RIC8B: variants seen among roughly 807,000 people sequenced by gnomAD.
The protein encoded by RIC8B is chaperone Ric-8B.
A neutral mutation model predicts 57.5 loss-of-function variants in RIC8B; 16 were observed. The ratio of observed to expected loss-of-function variants is 0.28; its 90% confidence interval spans 0.19 to 0.42. The LOEUF (loss-of-function observed/expected upper bound fraction) is 0.42. Among genes scored for constraint, RIC8B ranks in the 10% least tolerant of loss-of-function variants. The pLI, the probability that RIC8B is intolerant of heterozygous loss-of-function variation, is 1.00. For missense variants in RIC8B, 481 were observed against 677.0 expected, an observed-to-expected ratio of 0.71 and a Z score of 3.21; for synonymous variants, 216 against 250.8, an observed-to-expected ratio of 0.86 and a Z score of 1.31.
intron 3 of RIC8B, among the ~76,000 whole-genome samples, chr12:106,816,135 T>C (rs1405149612): frequency 3.3e-5 from 5 of 152,082 alleles, no homozygotes; most frequent in Non-Finnish European, 7.4e-5. Context: ...CTTTTTAGCT[T>C]TAAATAACTG....
chr12:106,868,452 C>A, intron 8 of RIC8B: 1 of 388,592 alleles, frequency 2.6e-6, no homozygotes, highest in Non-Finnish European at 5.1e-6. Flanking sequence ...CACCTTTATT[C>A]ATTTATAAGA....
chr12:106,842,923 T>C, intron 5 of RIC8B, 106 bp downstream of exon 5: 1 of 664,372 alleles, frequency 1.5e-6, no homozygotes, highest in Non-Finnish European at 2.5e-6. Context: ...TCTAAGCTTT[T>C]TTTCTGACTG....
intron 2 of RIC8B, among the ~76,000 whole-genome samples, chr12:106,809,951 G>A (rs2045258628): frequency 6.6e-6 from 1 of 151,598 alleles, no homozygotes; most frequent in South Asian, 2.1e-4. Flanking sequence ...TGGTATTTTT[G>A]TACCCATTAA....
intron 8 of RIC8B, among the ~76,000 whole-genome samples, chr12:106,866,747 T>C (rs1228223940): frequency 6.6e-6 from 1 of 152,204 alleles, no homozygotes; most frequent in African/African-American, 2.4e-5. Flanking sequence ...TAGATGAAAA[T>C]CTTGATTTCT....
At chr12:106,812,733 T>A (rs769456784) in intron 2 of RIC8B, among the ~76,000 whole-genome samples, 9 of 152,004 alleles carry the variant, frequency 5.9e-5, no homozygotes, top group Middle Eastern at 3.2e-3. Context: ...ATGGAGAAAA[T>A]TTTCCCTGTT....
At chr12:106,787,901 A>G (rs1185296147) in intron 2 of RIC8B, among the ~76,000 whole-genome samples, 1 of 152,072 alleles carries the variant, frequency 6.6e-6, no homozygotes, top group Non-Finnish European at 1.5e-5. Context: ...TTTCAAAACC[A>G]ATTATGCCTT....
intron 6 of RIC8B, 136 bp from the exon 7 acceptor site, chr12:106,851,313 AC>A (rs1278529422): frequency 3.4e-6 from 2 of 589,926 alleles, no homozygotes; most frequent in Non-Finnish European, 5.5e-6. Context: ...TTGGAAGCTA[AC>A]CTTTTTTTTT....
chr12:106,815,047 T>G lies in RIC8B; in HGVS notation c.484T>G (p.Cys162Gly), dbSNP rs776792881. ...KDRKFINDIK[C>G]FDLRLLFLLS... ...CCGGAAATTTATCAATGACATTAAG[T>G]GCTTTGACTTGCGCTTGCTCTTCCT... The change falls in exon 3 of 10, where the codon TGC becomes GGC. Residue 162 changes from cysteine (C) to glycine (G), a missense_variant. This residue lies in a region of RIC8B where 421 missense variants were observed against 560.9 expected (regional missense o/e 0.75). Transcript: ENST00000392837. 1.2e-6 allele frequency: 2 copies of G among 1,614,238 alleles called. No homozygotes were observed. The highest frequency in any genetic ancestry group is 1.7e-6 in the Non-Finnish European group (2 of 1,180,044).
intron 1 of RIC8B, among the ~76,000 whole-genome samples, chr12:106,776,456 A>G (rs2043491221): frequency 6.6e-6 from 1 of 152,240 alleles, no homozygotes; most frequent in Non-Finnish European, 1.5e-5. Context: ...TTTATTTAGC[A>G]CTTACTATAT....
intron 6 of RIC8B, 85 bp from the exon 7 acceptor site, chr12:106,851,365 T>C: frequency 1.4e-6 from 1 of 696,094 alleles, no homozygotes; most frequent in Non-Finnish European, 2.3e-6. Context: ...CCAGTAGACA[T>C]TACAAGACTG....
intron 2 of RIC8B, among the ~76,000 whole-genome samples, chr12:106,790,615 T>G (rs182864438): frequency 3.0e-4 from 46 of 152,280 alleles, no homozygotes; most frequent in African/African-American, 1.0e-3. Context: ...ATCTGAAAAT[T>G]CACATGTTGA....
chr12:106,860,462 G>A (rs760020393), intron 8 of RIC8B, 50 bp downstream of exon 8: 1 of 1,292,656 alleles, frequency 7.7e-7, no homozygotes, highest in Non-Finnish European at 1.0e-6. Context: ...CCTTTGAGTT[G>A]GTTATTTCCT....
At chr12:106,796,794 G>A (rs1028642357) in intron 2 of RIC8B, among the ~76,000 whole-genome samples, 5 of 152,190 alleles carry the variant, frequency 3.3e-5, no homozygotes, top group African/African-American at 1.2e-4. Flanking sequence ...CAGATCCTAT[G>A]TCTGATAAAA....
chr12:106,814,217 T>C lies in RIC8B; in HGVS notation c.133-479T>C, dbSNP rs940641055. Among the ~76,000 whole-genome samples the C allele has an allele frequency of 4.6e-5, 7 of 152,344 alleles. 1 individual carries two copies. The highest frequency in any genetic ancestry group is 6.5e-5 in the Admixed American group (1 of 15,310). ...GGCATAATAGATGCTAATTCAACTC[T>C]ATTTGGAACCTAACACTTGAATAAT... On this transcript the variant is annotated intron_variant, in intron 2 of 9. Transcript: ENST00000392837.
intron 7 of RIC8B, among the ~76,000 whole-genome samples, chr12:106,852,246 G>A (rs1789425207): frequency 6.6e-6 from 1 of 152,196 alleles, no homozygotes; most frequent in Non-Finnish European, 1.5e-5. Context: ...CAAAAGGCAA[G>A]TTTTCCAAAC....
chr12:106,798,070 G>GT (rs1203823843), intron 2 of RIC8B: 2 of 716,760 alleles, frequency 2.8e-6, no homozygotes, highest in Admixed American at 2.0e-5. Flanking sequence ...GCTTGCCAGT[G>GT]TAAGTGACTG....
intron 2 of RIC8B, among the ~76,000 whole-genome samples, chr12:106,804,462 C>T (rs190289407): frequency 6.6e-5 from 10 of 152,266 alleles, no homozygotes; most frequent in Admixed American, 6.5e-5. Flanking sequence ...GTGATCCGCC[C>T]GCCTTGGCCT....
At chr12:106,815,698 G>C (rs1003868578) in intron 3 of RIC8B, among the ~76,000 whole-genome samples, 1 of 152,198 alleles carries the variant, frequency 6.6e-6, no homozygotes, top group Non-Finnish European at 1.5e-5. Flanking sequence ...AGTTAAGACA[G>C]ATCAAGCCAA....
At chr12:106,779,970 A>G (rs1212055174) in intron 1 of RIC8B, among the ~76,000 whole-genome samples, 2 of 148,620 alleles carry the variant, frequency 1.3e-5, no homozygotes. Flanking sequence ...CAGCCTCCCA[A>G]AGTGCTGAGA....
Sources: allele counts gnomAD v4.1 joint callset (sites outside exome capture counted in the v4.1 genomes callset), GRCh38; gene constraint gnomAD v4.1.1; regional missense constraint gnomAD v4.1.1; transcripts MANE v1.5; gene names NCBI Gene and HGNC (gene_info 2026-07-23, HGNC 2026-07-21).